DISP1: variants seen among roughly 807,000 people sequenced by gnomAD.
DISP1 encodes the protein dispatched RND transporter family member 1, also known as protein dispatched homolog 1.
A neutral mutation model predicts 37.3 loss-of-function variants in DISP1; 30 were observed. The ratio of observed to expected loss-of-function variants is 0.80; its 90% CI spans 0.60 to 1.09. The LOEUF (loss-of-function observed/expected upper bound fraction) is 1.09. Among genes scored for constraint, DISP1 ranks in the 50% least tolerant of loss-of-function variants. The pLI is 0.00. For synonymous variants in DISP1, 634 were observed against 690.2 expected (o/e 0.92, Z 1.28); for missense variants, 1,598 against 1,879.5 (o/e 0.85, Z 2.77).
rs74516388 is a variant in DISP1 at position 222,875,067 on chromosome 1, G to T, written c.-158-53363G>T. Among the ~76,000 whole-genome samples the T allele has an allele frequency of 4.0e-3, 605 of 152,176 alleles. 10 individuals carry two copies. Among genetic ancestry groups the T allele is most frequent in the African/African-American group, 0.013 (554 of 41,530 alleles). ...GGTAAACCATTAGTTTACCAATTTGGGGAAGGAGGTAAGTAGAGGATAGAA... is the reference window on the plus strand; with the variant it reads ...GGTAAACCATTAGTTTACCAATTTGTGGAAGGAGGTAAGTAGAGGATAGAA... On this transcript the variant is annotated intron_variant, in intron 1 of 8. Coordinates refer to ENST00000675850, the MANE Select transcript of DISP1 (RefSeq NM_001377229.1).
intron 1 of DISP1, among the ~76,000 whole-genome samples, chr1:222,891,135 A>G (rs1670915623): frequency 2.0e-5 from 3 of 152,166 alleles, no homozygotes; most frequent in Admixed American, 1.3e-4. Context: ...TCAGGAAGAG[A>G]GAACAGCATG....
intron 1 of DISP1, among the ~76,000 whole-genome samples, chr1:222,876,973 A>G (rs1018058647): frequency 1.3e-5 from 2 of 152,212 alleles, no homozygotes; most frequent in African/African-American, 4.8e-5. Flanking sequence ...GAAATATTGC[A>G]CGCAAATTAA....
intron 1 of DISP1, among the ~76,000 whole-genome samples, chr1:222,868,023 C>T (rs1013386123): frequency 4.6e-5 from 7 of 151,850 alleles, no homozygotes; most frequent in Non-Finnish European, 7.4e-5. Context: ...AAGAGGAGGG[C>T]GAATGATTAG....
At chr1:222,912,874 A>G (rs1001792656) in intron 1 of DISP1, among the ~76,000 whole-genome samples, 1 of 152,200 alleles carries the variant, frequency 6.6e-6, no homozygotes, top group African/African-American at 2.4e-5. Context: ...GCAGAGTGAT[A>G]GGGATGTGCT....
chr1:222,991,271 G>A (rs1406910726), intron 5 of DISP1, among the ~76,000 whole-genome samples: 1 of 152,218 alleles, frequency 6.6e-6, no homozygotes, highest in African/African-American at 2.4e-5. Context: ...GCATGAGTTG[G>A]AAAGATAAAC....
At chr1:222,952,220 T>C (rs1675274627) in intron 3 of DISP1, among the ~76,000 whole-genome samples, 1 of 152,162 alleles carries the variant, frequency 6.6e-6, no homozygotes. Context: ...GCCAGTAAAA[T>C]TAAAAATTTG....
chr1:222,951,706 T>C (rs1675234538), intron 3 of DISP1, among the ~76,000 whole-genome samples: 3 of 152,226 alleles, frequency 2.0e-5, no homozygotes, highest in African/African-American at 7.2e-5. Context: ...AAGTGCTTGA[T>C]GAGTACTTAG....
intron 3 of DISP1, among the ~76,000 whole-genome samples, chr1:222,971,842 G>A (rs1465915162): frequency 6.6e-6 from 1 of 152,034 alleles, no homozygotes; most frequent in South Asian, 2.1e-4. Flanking sequence ...ATAGTTTATA[G>A]TGAAAATGTG....
At chr1:222,862,008 C>A (rs1032249664) in intron 1 of DISP1, among the ~76,000 whole-genome samples, 7 of 152,144 alleles carry the variant, frequency 4.6e-5, no homozygotes, top group Admixed American at 3.9e-4. Context: ...AATTTTGCGA[C>A]CTGTTTTTCT....
At chr1:222,953,598 T>A (rs1675386961) in intron 3 of DISP1, among the ~76,000 whole-genome samples, 1 of 152,212 alleles carries the variant, frequency 6.6e-6, no homozygotes, top group Admixed American at 6.5e-5. Flanking sequence ...ATATTTGATC[T>A]TAGAAGAAGT....
chr1:222,955,611 T>C (rs1675538983), intron 3 of DISP1, among the ~76,000 whole-genome samples: 1 of 152,182 alleles, frequency 6.6e-6, no homozygotes, highest in Non-Finnish European at 1.5e-5. Context: ...ATTTAATAAA[T>C]TACATGAGAT....
chr1:222,970,681 G>A (rs967085193), intron 3 of DISP1, among the ~76,000 whole-genome samples: 4 of 152,174 alleles, frequency 2.6e-5, no homozygotes, highest in African/African-American at 9.7e-5. Context: ...AGAGGAGACT[G>A]AAGCCAAAGA....
chr1:222,995,935 C>T (rs1292084751), intron 8 of DISP1, among the ~76,000 whole-genome samples: 3 of 152,184 alleles, frequency 2.0e-5, no homozygotes. Flanking sequence ...CCAGCAGTCT[C>T]ATTGTACTAA....
chr1:222,925,821 C>T (rs1193730213), intron 1 of DISP1, among the ~76,000 whole-genome samples: 1 of 152,176 alleles, frequency 6.6e-6, no homozygotes, highest in Non-Finnish European at 1.5e-5. Flanking sequence ...ACTCAGGAAT[C>T]TCTGTTTTCA....
rs748194236 is a variant in DISP1 at position 223,005,100 on chromosome 1, T to G, written c.3703T>G (p.Tyr1235Asp). The change falls in exon 9 of 9, where the codon TAC becomes GAC. Residue 1235 changes from tyrosine to aspartate, a missense_variant. Transcript: ENST00000675850. Reference sequence around the variant, plus strand: ...TTTAGGGATGCCTGTGCATGCAGCTTACAACAGTGAACTCAGCAAAAGCAC... The same window carrying G: ...TTTAGGGATGCCTGTGCATGCAGCTGACAACAGTGAACTCAGCAAAAGCAC... ...KNLGMPVHAA[Y>D]NSELSKSTES... 6.2e-7 allele frequency: 1 copy of G among 1,614,216 alleles called. No individual in the cohort carries two copies. The highest frequency in any genetic ancestry group is 1.1e-5 in the South Asian group (1 of 91,088).
rs750263285 is a variant in DISP1, at chr1:222,943,289, C to G, written c.466C>G (p.His156Asp). ...CTGCCTGCATCATCCGTGGCCTGAC[C>G]ATTTTCAGCATCAGCCTGTGCAACA... ...SFCLHHPWPD[H>D]FQHQPVQQHI... Residue 156 changes from histidine to aspartate, a missense_variant, in exon 3 of 9, where the codon CAT (histidine) becomes GAT (aspartate). Coordinates refer to ENST00000675850, the MANE Select transcript of DISP1 (RefSeq NM_001377229.1). The G allele has an allele frequency of 6.2e-7, 1 of 1,614,228 alleles. No individual in the cohort carries two copies. Among genetic ancestry groups the G allele is most frequent in the African/African-American group, 1.3e-5 (1 of 75,060 alleles).
At chr1:222,883,429 C>T (rs778869789) in intron 1 of DISP1, among the ~76,000 whole-genome samples, 33 of 152,190 alleles carry the variant, frequency 2.2e-4, no homozygotes, top group South Asian at 1.2e-3. Flanking sequence ...ACCAGCCTGG[C>T]CAACATGGTA....
At chr1:222,851,153 G>A (rs780777579) in intron 1 of DISP1, among the ~76,000 whole-genome samples, 2 of 141,304 alleles carry the variant, frequency 1.4e-5, no homozygotes, top group African/African-American at 5.3e-5. Context: ...TGCAACCTCC[G>A]CCTCCTGGGT....
intron 8 of DISP1, among the ~76,000 whole-genome samples, chr1:223,001,796 G>A (rs569423679): frequency 1.3e-5 from 2 of 152,204 alleles, no homozygotes; most frequent in East Asian, 3.9e-4. Context: ...TAACACACTG[G>A]GGATTAGGTT....
Sources: gnomAD v4.1 joint callset for allele counts (sites outside exome capture counted in the v4.1 genomes callset) on GRCh38, gnomAD v4.1.1 for gene constraint, MANE v1.5 for transcripts, NCBI Gene and HGNC (gene_info 2026-07-23, HGNC 2026-07-21) for gene names.